CSMD1: variants seen among roughly 807,000 people sequenced by gnomAD.
The protein encoded by CSMD1 is CUB and Sushi multiple domains 1.
Under a neutral mutation model 417.5 loss-of-function variants are expected in CSMD1, and 213 were observed. The observed-to-expected ratio is 0.51, with a 90% confidence interval of 0.46 to 0.57. The LOEUF is 0.57. Among genes scored for constraint, CSMD1 ranks in the 20% least tolerant of loss-of-function variants. The pLI, the probability that CSMD1 is intolerant of heterozygous loss-of-function variation, is 0.00. For synonymous variants in CSMD1, 2,862 were observed against 1,736.8 expected (o/e 1.65, Z -16.11); for missense variants, 6,923 against 4,529.7 (o/e 1.53, Z -15.17).
At chr8:4,868,995 G>C (rs530638645) in intron 1 of CSMD1, among the ~76,000 whole-genome samples, 2 of 151,628 alleles carry the variant, frequency 1.3e-5, no homozygotes, top group South Asian at 2.1e-4. Flanking sequence ...ATGATATAAA[G>C]ATAATATATA....
chr8:4,225,613 T>G (rs547620883), intron 3 of CSMD1, among the ~76,000 whole-genome samples: 13 of 152,148 alleles, frequency 8.5e-5, no homozygotes, highest in Admixed American at 2.0e-4. Context: ...TATGCTGTTG[T>G]CCATTTTCCT....
chr8:3,709,680 G>GTTTTTTTTTTTTT lies in CSMD1; in HGVS notation c.932-1202_932-1190dup, dbSNP rs56272726. Among the ~76,000 whole-genome samples the GTTTTTTTTTTTTT allele has an allele frequency of 1.3e-3, 45 of 33,674 alleles. 5 individuals carry two copies. Among genetic ancestry groups the GTTTTTTTTTTTTT allele is most frequent in the East Asian group, 3.0e-3 (2 of 670 alleles). 22.1% of individuals were successfully genotyped at this position (33,674 alleles called of 152,430 possible). On this transcript the variant is annotated intron_variant, in intron 6 of 69. Coordinates refer to ENST00000635120, the MANE Select transcript of CSMD1 (RefSeq NM_033225.6). ...GATGGGCTTTAAATTGCAGCAGCAT[G>GTTTTTTTTTTTTT]TTTTTTTTTTTTTTTTTTTTTTTTT...
At chr8:3,894,762 C>G (rs1455747939) in intron 5 of CSMD1, among the ~76,000 whole-genome samples, 1 of 152,132 alleles carries the variant, frequency 6.6e-6, no homozygotes, top group Non-Finnish European at 1.5e-5. Context: ...TCTCTGCTTC[C>G]ACATGTCAAT....
intron 10 of CSMD1, among the ~76,000 whole-genome samples, chr8:3,548,240 T>C (rs10098116): frequency 0.052 from 7,960 of 152,236 alleles, 607 homozygotes; most frequent in African/African-American, 0.17. Context: ...CAGTGCCCAG[T>C]TCTGCCCTTC....
rs886636687 is a variant in CSMD1, at chr8:2,937,009, A to C, written c.*1576T>G. 4.6e-5 allele frequency: 7 copies of C among 152,372 alleles called. No individual in the cohort carries two copies. The highest frequency in any genetic ancestry group is 3.4e-3 in the Middle Eastern group (1 of 294). 9.4% of individuals were successfully genotyped at this position (152,372 alleles called of 1,614,324 possible). Reference sequence around the variant, plus strand: ...AATAGGAACTGAAATATCAAATAATAAAATAAGTACTATCGTTTCAAAAAT... The same window carrying C: ...AATAGGAACTGAAATATCAAATAATCAAATAAGTACTATCGTTTCAAAAAT... On this transcript the variant is annotated 3_prime_UTR_variant, in exon 70 of 70. Coordinates refer to ENST00000635120, the MANE Select transcript of CSMD1 (RefSeq NM_033225.6).
chr8:2,966,861 A>T (rs1585065669), intron 57 of CSMD1, 115 bp from the exon 58 acceptor site: 2 of 891,160 alleles, frequency 2.2e-6, no homozygotes, highest in East Asian at 5.3e-5. Flanking sequence ...TACAAACCCA[A>T]AGCACACAAT....
chr8:4,512,047 T>A (rs1194359129), intron 2 of CSMD1, among the ~76,000 whole-genome samples: 1 of 152,086 alleles, frequency 6.6e-6, no homozygotes, highest in East Asian at 1.9e-4. Flanking sequence ...CTCAACAAAA[T>A]ATTAGCAAAA....
chr8:3,569,860 A>T (rs761350414), intron 10 of CSMD1, among the ~76,000 whole-genome samples: 2 of 151,752 alleles, frequency 1.3e-5, no homozygotes, highest in Non-Finnish European at 2.9e-5. Context: ...GGGTATGTCA[A>T]CCTGGAATAC....
At position 3,399,542 on chromosome 8, in the gene CSMD1, G is replaced by A. The variant is rs181089726; in HGVS notation, c.2267-13C>T. On this transcript the variant is annotated splice_polypyrimidine_tract_variant and intron_variant, in intron 15 of 69. Transcript: ENST00000635120. Reference sequence around the variant, plus strand: ...CCACCACATGGAGCTAAAACAAGACGTAGAATATCTATTAGATCCAATGAG... The same window carrying A: ...CCACCACATGGAGCTAAAACAAGACATAGAATATCTATTAGATCCAATGAG... 9.6e-6 allele frequency: 15 copies of A among 1,568,196 alleles called. No individual in the cohort carries two copies. In the Middle Eastern group the frequency reaches 6.8e-4, roughly 71 times the overall value.
intron 3 of CSMD1, among the ~76,000 whole-genome samples, chr8:4,121,583 C>A (rs1461210844): frequency 2.2e-5 from 3 of 135,062 alleles, no homozygotes; most frequent in Non-Finnish European, 3.2e-5. Flanking sequence ...ATTTTTTTTT[C>A]AAAAGAGAAG....
rs1799111412 is a variant in CSMD1, at chr8:4,319,098, A to G, written c.415+100855T>C. On this transcript the variant is annotated intron_variant, in intron 3 of 69. Transcript: ENST00000635120. ...TAGTAGTCCTCACATATACATGCAC[A>G]TAGTAACAAAGTAAGGAGGATTTTA... is the stretch of plus-strand genomic sequence containing the variant. Among the ~76,000 whole-genome samples the G allele has an allele frequency of 5.3e-5, 8 of 152,308 alleles. No individual in the cohort carries two copies. In the South Asian group the frequency reaches 1.7e-3, roughly 32 times the overall value.
intron 3 of CSMD1, among the ~76,000 whole-genome samples, chr8:4,180,859 C>G (rs1647303): frequency 6.6e-6 from 1 of 152,134 alleles, no homozygotes; most frequent in Non-Finnish European, 1.5e-5. Context: ...TAAAAGCTCA[C>G]GATACTAAAT....
chr8:4,387,570 CAAA>C lies in CSMD1; in HGVS notation c.415+32380_415+32382del, dbSNP rs540419006. 2.0e-3 allele frequency among the ~76,000 whole-genome samples: 75 copies of C among 37,228 alleles called. 1 individual carries two copies. The highest frequency in any genetic ancestry group is 4.7e-3 in the South Asian group (3 of 636). 24.4% of individuals were successfully genotyped at this position (37,228 alleles called of 152,430 possible). A position where few individuals can be genotyped will look rare whatever the true frequency, so the allele number is the denominator to read the frequency against. Reference sequence around the variant, plus strand: ...GAAGAGATGCATAAATCCAAACTGGCAAAAAAAAAAAAAAAAAAAAAAGAGTTG... The same window carrying C: ...GAAGAGATGCATAAATCCAAACTGGCAAAAAAAAAAAAAAAAAAAGAGTTG... On this transcript the variant is annotated intron_variant, in intron 3 of 69. Transcript: ENST00000635120.
chr8:4,355,212 A>T, intron 3 of CSMD1, among the ~76,000 whole-genome samples: 1 of 152,012 alleles, frequency 6.6e-6, no homozygotes, highest in East Asian at 1.9e-4. Flanking sequence ...CAATGATCCG[A>T]GATCGCGCCA....
At chr8:4,084,403 A>C (rs563818964) in intron 3 of CSMD1, among the ~76,000 whole-genome samples, 7 of 152,198 alleles carry the variant, frequency 4.6e-5, no homozygotes, top group African/African-American at 1.7e-4. Flanking sequence ...TAAATTTTTT[A>C]AATTCCTAAT....
chr8:3,706,793 T>A (rs1453366246), intron 7 of CSMD1, among the ~76,000 whole-genome samples: 1 of 152,130 alleles, frequency 6.6e-6, no homozygotes, highest in African/African-American at 2.4e-5. Flanking sequence ...ATACTATATC[T>A]CCCTCTACAG....
rs375740513 is a variant in CSMD1, at chr8:2,994,455, C to G, written c.8377+3556G>C. On this transcript the variant is annotated intron_variant, in intron 54 of 69. Coordinates refer to ENST00000635120, the MANE Select transcript of CSMD1 (RefSeq NM_033225.6). ...TGCTGATGTCATGCGGACAACTCAG[C>G]CGGGGCAGTGGAAAGTTCCCAAAAT... Among the ~76,000 whole-genome samples, 217 of 152,240 alleles carry G rather than the reference C, an allele frequency of 1.4e-3. 2 individuals are homozygous for G. The highest frequency in any genetic ancestry group is 5.0e-3 in the African/African-American group (206 of 41,538).
At chr8:3,171,474 T>G (rs74566141) in intron 37 of CSMD1, among the ~76,000 whole-genome samples, 284 of 152,326 alleles carry the variant, frequency 1.9e-3, no homozygotes, top group African/African-American at 6.2e-3. Flanking sequence ...ATGACAGGAC[T>G]GAGGTTTTCA....
chr8:4,739,771 CCT>C (rs1810481099), intron 1 of CSMD1, among the ~76,000 whole-genome samples: 1 of 152,148 alleles, frequency 6.6e-6, no homozygotes, highest in Admixed American at 6.5e-5. Context: ...TTCTCCAGTC[CCT>C]CTCTTTGGAG....
Sources: gnomAD v4.1 joint callset for allele counts (sites outside exome capture counted in the v4.1 genomes callset) on GRCh38, gnomAD v4.1.1 for gene constraint, MANE v1.5 for transcripts, NCBI Gene and HGNC (gene_info 2026-07-23, HGNC 2026-07-21) for gene names.